Variants in RBFOX1 observed in about 807,000 individuals in gnomAD.
The protein encoded by RBFOX1 is RNA binding protein fox-1 homolog 1.
A neutral mutation model predicts 57.7 loss-of-function variants in RBFOX1; 8 were observed. The ratio of observed to expected loss-of-function variants is 0.14; its 90% CI spans 0.08 to 0.25. RBFOX1 has a LOEUF of 0.25. RBFOX1 is among the 10% of genes least tolerant of loss of function. RBFOX1 has a pLI of 1.00. For synonymous variants in RBFOX1, 326 were observed against 222.4 expected, an observed-to-expected ratio of 1.47 and a Z score of -4.15; for missense variants, 611 against 548.5, an observed-to-expected ratio of 1.11 and a Z score of -1.14.
chr16:6,216,736 A>T (rs1322237468), intron 1 of RBFOX1, among the ~76,000 whole-genome samples: 1 of 151,920 alleles, frequency 6.6e-6, no homozygotes, highest in Non-Finnish European at 1.5e-5. Context: ...TTGTCTCTTT[A>T]TTTCCTCTGC....
intron 4 of RBFOX1, among the ~76,000 whole-genome samples, chr16:5,914,756 A>G (rs2058671066): frequency 1.3e-5 from 2 of 152,056 alleles, no homozygotes; most frequent in Admixed American, 6.6e-5. Flanking sequence ...AATAGCGGGC[A>G]TGGTGGCAGG....
intron 2 of RBFOX1, among the ~76,000 whole-genome samples, chr16:6,377,992 T>A (rs1359177814): frequency 2.0e-5 from 3 of 152,182 alleles, no homozygotes; most frequent in East Asian, 3.9e-4. Context: ...CATCGTCCTT[T>A]AAAATCCAAA....
At chr16:6,317,654 G>A (rs2081278481) in intron 2 of RBFOX1, among the ~76,000 whole-genome samples, 2 of 152,080 alleles carry the variant, frequency 1.3e-5, no homozygotes, top group African/African-American at 2.4e-5. Flanking sequence ...TTGCATGCAA[G>A]GACTTTATTT....
At chr16:6,888,847 C>T (rs911710095) in intron 3 of RBFOX1, among the ~76,000 whole-genome samples, 5 of 152,086 alleles carry the variant, frequency 3.3e-5, no homozygotes, top group Non-Finnish European at 5.9e-5. Flanking sequence ...TTTTTATGTC[C>T]TTTATTCATC....
intron 3 of RBFOX1, among the ~76,000 whole-genome samples, chr16:6,943,349 G>C (rs938517442): frequency 6.6e-6 from 1 of 152,180 alleles, no homozygotes; most frequent in South Asian, 2.1e-4. Context: ...TTCTATATTT[G>C]AGTTCTTGTG....
At chr16:6,268,421 G>A (rs2074800815) in intron 1 of RBFOX1, among the ~76,000 whole-genome samples, 1 of 152,092 alleles carries the variant, frequency 6.6e-6, no homozygotes, top group Non-Finnish European at 1.5e-5. Flanking sequence ...CTTTTAGTGG[G>A]TCCAAGATAG....
intron 2 of RBFOX1, among the ~76,000 whole-genome samples, chr16:6,361,420 G>A (rs2088491489): frequency 6.6e-6 from 1 of 152,056 alleles, no homozygotes; most frequent in African/African-American, 2.4e-5. Flanking sequence ...ACAAGGTCAG[G>A]AGTTCGAGAC....
At chr16:6,784,725 G>A (rs1481470255) in intron 3 of RBFOX1, among the ~76,000 whole-genome samples, 1 of 151,752 alleles carries the variant, frequency 6.6e-6, no homozygotes, top group Admixed American at 6.6e-5. Context: ...GCTTTATTGT[G>A]TGGATAGTTG....
At chr16:7,098,342 A>G (rs1338345840) in intron 4 of RBFOX1, among the ~76,000 whole-genome samples, 1 of 151,922 alleles carries the variant, frequency 6.6e-6, no homozygotes, top group Non-Finnish European at 1.5e-5. Context: ...GCTAATTTTT[A>G]TATTTTTAGT....
At chr16:5,674,206 T>A (rs2050099870) in intron 3 of RBFOX1, among the ~76,000 whole-genome samples, 1 of 152,246 alleles carries the variant, frequency 6.6e-6, no homozygotes, top group East Asian at 1.9e-4. Context: ...CCAAATGTTA[T>A]TCTGGAAGGA....
chr16:6,599,278 G>T (rs2097818434), intron 2 of RBFOX1, among the ~76,000 whole-genome samples: 1 of 152,102 alleles, frequency 6.6e-6, no homozygotes, highest in South Asian at 2.1e-4. Context: ...TTCCAATAAA[G>T]CAAAACCACA....
At chr16:5,650,326 C>T (rs935395135) in intron 3 of RBFOX1, among the ~76,000 whole-genome samples, 19 of 141,740 alleles carry the variant, frequency 1.3e-4, no homozygotes, top group East Asian at 5.0e-4. Context: ...GCAGCCACGG[C>T]GGTGGTGGTG....
chr16:7,304,548 C>T lies in RBFOX1; in HGVS notation c.28-213599C>T, dbSNP rs1042656926. ...GGGCTGGGCCAGATGGGTCCCCGCG[C>T]GTACTGGGCTGCGCTTCGGTGCCTT... On this transcript the variant is annotated intron_variant, in intron 4 of 15. Transcript: ENST00000550418. 45 of 985,320 alleles carry T rather than the reference C, an allele frequency of 4.6e-5. 2 individuals carry two copies. The South Asian group carries it at 1.9e-3, about 41-fold the overall frequency. 61.0% of individuals were successfully genotyped at this position (985,320 alleles called of 1,614,324 possible). A position where few individuals can be genotyped will look rare whatever the true frequency, so the allele number is the denominator to read the frequency against.
intron 1 of RBFOX1, among the ~76,000 whole-genome samples, chr16:6,026,289 G>A (rs2095192811): frequency 2.6e-5 from 4 of 152,208 alleles, no homozygotes; most frequent in Admixed American, 2.6e-4. Context: ...AAGGCACACA[G>A]CAGAAGCCCC....
At chr16:6,344,502 A>G (rs528042627) in intron 2 of RBFOX1, among the ~76,000 whole-genome samples, 105 of 141,630 alleles carry the variant, frequency 7.4e-4, no homozygotes, top group African/African-American at 2.7e-3. Flanking sequence ...GGTTCACGCC[A>G]TTCTCCTGCC....
intron 4 of RBFOX1, among the ~76,000 whole-genome samples, chr16:7,138,291 C>G (rs2072617305): frequency 6.6e-6 from 1 of 152,176 alleles, no homozygotes; most frequent in South Asian, 2.1e-4. Context: ...AGAGGCCACA[C>G]ATGAGATCTT....
At chr16:7,274,684 C>T (rs1017175414) in intron 4 of RBFOX1, among the ~76,000 whole-genome samples, 2 of 128,182 alleles carry the variant, frequency 1.6e-5, no homozygotes, top group Non-Finnish European at 3.4e-5. Flanking sequence ...GTTTTTTTTA[C>T]TTTTTATTTT....
intron 1 of RBFOX1, among the ~76,000 whole-genome samples, chr16:6,118,795 CTCCTTCCT>C (rs141645206): frequency 8.1e-5 from 12 of 147,274 alleles, no homozygotes; most frequent in South Asian, 2.1e-4. Context: ...CTTTCTCTCT[CTCCTTCCT>C]TCCTTCCTTC....
chr16:7,587,150 A>G, intron 6 of RBFOX1, 97 bp from the exon 7 acceptor site: 1 of 1,293,358 alleles, frequency 7.7e-7, no homozygotes, highest in Non-Finnish European at 9.9e-7. Flanking sequence ...TGGTATTAAA[A>G]GAGAAAAAAA....
Sources: allele counts gnomAD v4.1 joint callset (sites outside exome capture counted in the v4.1 genomes callset), GRCh38; gene constraint gnomAD v4.1.1; transcripts MANE v1.5; gene names NCBI Gene and HGNC (gene_info 2026-07-23, HGNC 2026-07-21).